Variants in SIGLEC15 observed in about 807,000 individuals in gnomAD.
SIGLEC15 encodes the protein sialic acid binding Ig like lectin 15.
In SIGLEC15, 31 loss-of-function variants were observed where a neutral mutation model predicts 26.2. The ratio of observed to expected loss-of-function variants is 1.18; its 90% confidence interval spans 0.89 to 1.60. The LOEUF is 1.60. SIGLEC15 is among the 40% of genes most tolerant of loss of function. The pLI, the probability that SIGLEC15 is intolerant of heterozygous loss-of-function variation, is 0.00. For missense variants in SIGLEC15, 501 were observed against 488.4 expected, an observed-to-expected ratio of 1.03 and a Z score of -0.24; for synonymous variants, 207 against 221.9, an observed-to-expected ratio of 0.93 and a Z score of 0.60.
At chr18:45,839,285 A>G (rs1323615859) in intron 4 of SIGLEC15, among the ~76,000 whole-genome samples, 190 bp downstream of exon 4, 1 of 152,210 alleles carries the variant, frequency 6.6e-6, no homozygotes, top group African/African-American at 2.4e-5. Context: ...CCATTTTGCA[A>G]TAAGGAAGCT....
At chr18:45,829,678 AG>A (rs2048216283) in intron 1 of SIGLEC15, among the ~76,000 whole-genome samples, 1 of 152,154 alleles carries the variant, frequency 6.6e-6, no homozygotes, top group Non-Finnish European at 1.5e-5. Context: ...CAAGGAGGGT[AG>A]CCCCTCCCAG....
At chr18:45,833,855 C>G (rs1568079277) in intron 1 of SIGLEC15, among the ~76,000 whole-genome samples, 1 of 152,058 alleles carries the variant, frequency 6.6e-6, no homozygotes, top group Non-Finnish European at 1.5e-5. Flanking sequence ...AGTAATGAAG[C>G]ACATGACATG....
intron 4 of SIGLEC15, among the ~76,000 whole-genome samples, chr18:45,839,480 G>A (rs1406693072): frequency 6.6e-6 from 1 of 152,128 alleles, no homozygotes; most frequent in Admixed American, 6.5e-5. Flanking sequence ...CTGTGTGGGT[G>A]CTAGGAATAC....
Position 45,838,821 on chromosome 18 carries a change from C to T in SIGLEC15, c.600C>T (p.Ser200=), listed in dbSNP as rs750477831. Residue 200 remains serine (S), a synonymous_variant, in exon 4 of 6, where the codon TCC becomes TCT. Coordinates refer to ENST00000389474, the MANE Select transcript of SIGLEC15 (RefSeq NM_213602.3). The part of the protein sequence containing the change: ...EGEPPPALAW[S]GPALGNSLAA... ...AGCCGCCGCCCGCCCTCGCCTGGTC[C>T]GGCCCGGCCCTGGGCAACAGCTTGG... is the stretch of plus-strand genomic sequence containing the variant. 7 of 1,560,934 alleles carry T rather than the reference C, an allele frequency of 4.5e-6. No individual in the cohort carries two copies. Among genetic ancestry groups the T allele is most frequent in the South Asian group, 2.3e-5 (2 of 86,192 alleles).
chr18:45,830,536 G>A (rs889246079), intron 1 of SIGLEC15, among the ~76,000 whole-genome samples: 3 of 150,402 alleles, frequency 2.0e-5, no homozygotes, highest in African/African-American at 7.3e-5. Context: ...TCAGTTTTCT[G>A]AATACCTAAA....
chr18:45,829,714 A>G (rs957405254), intron 1 of SIGLEC15, among the ~76,000 whole-genome samples: 1 of 151,930 alleles, frequency 6.6e-6, no homozygotes, highest in Non-Finnish European at 1.5e-5. Flanking sequence ...CATACTGGCC[A>G]CTCGTCAGCT....
Position 45,842,848 on chromosome 18 carries a change from C to T in SIGLEC15, c.*661C>T, listed in dbSNP as rs887287023. On this transcript the variant is annotated 3_prime_UTR_variant, in exon 6 of 6. Coordinates refer to ENST00000389474, the MANE Select transcript of SIGLEC15 (RefSeq NM_213602.3). ...AGAAGTGTGGCCCCTGCAGCAGTGT[C>T]ACGGAGAACACAGAGTTCCAGAGAG... 1.3e-5 allele frequency: 2 copies of T among 152,646 alleles called. No homozygotes were observed. The highest frequency in any genetic ancestry group is 4.8e-5 in the African/African-American group (2 of 41,454). The allele number at this position is 152,646 out of a possible 1,614,324, so 9.5% of individuals were successfully genotyped here. A position where few individuals can be genotyped will look rare whatever the true frequency, so the allele number is the denominator to read the frequency against.
At chr18:45,827,902 G>A (rs896763171) in intron 1 of SIGLEC15, among the ~76,000 whole-genome samples, 5 of 152,178 alleles carry the variant, frequency 3.3e-5, no homozygotes, top group Non-Finnish European at 5.9e-5. Context: ...AAAAACAAAC[G>A]CCAAACCACA....
chr18:45,840,095 CT>C, intron 4 of SIGLEC15, 115 bp from the exon 5 acceptor site: 2 of 1,175,628 alleles, frequency 1.7e-6, no homozygotes. Flanking sequence ...CTGCTGTTTG[CT>C]TCAAAAACAG....
chr18:45,832,517 G>A (rs749988184), intron 1 of SIGLEC15, among the ~76,000 whole-genome samples: 1 of 152,172 alleles, frequency 6.6e-6, no homozygotes, highest in African/African-American at 2.4e-5. Flanking sequence ...ATAAAAGTCT[G>A]ATGAAGAATG....
chr18:45,834,227 G>A, intron 1 of SIGLEC15, among the ~76,000 whole-genome samples: 1 of 152,092 alleles, frequency 6.6e-6, no homozygotes, highest in Non-Finnish European at 1.5e-5. Context: ...ACCCTCTCCT[G>A]TCAGCCTGGA....
chr18:45,828,901 G>C (rs570866185), intron 1 of SIGLEC15, among the ~76,000 whole-genome samples: 10 of 152,244 alleles, frequency 6.6e-5, no homozygotes, highest in African/African-American at 9.6e-5. Flanking sequence ...CAGGACCGGA[G>C]GACATGGGCT....
At chr18:45,839,258 A>G (rs1329810615) in intron 4 of SIGLEC15, among the ~76,000 whole-genome samples, 163 bp downstream of exon 4, 1 of 152,178 alleles carries the variant, frequency 6.6e-6, no homozygotes, top group Non-Finnish European at 1.5e-5. Context: ...AGCAGGTGTA[A>G]CCAGCACGAA....
intron 1 of SIGLEC15, among the ~76,000 whole-genome samples, chr18:45,830,297 A>G (rs1172816789): frequency 6.6e-6 from 1 of 152,148 alleles, no homozygotes; most frequent in African/African-American, 2.4e-5. Context: ...GTCTCCCTGG[A>G]GCTCTCTGCC....
At chr18:45,830,642 G>A (rs922569339) in intron 1 of SIGLEC15, among the ~76,000 whole-genome samples, 6 of 137,106 alleles carry the variant, frequency 4.4e-5, no homozygotes, top group African/African-American at 1.7e-4. Context: ...CTGGAGTGCA[G>A]TGGCACCATC....
Position 45,843,159 on chromosome 18 carries a change from C to T in SIGLEC15, c.*972C>T, listed in dbSNP as rs12458195. On this transcript the variant is annotated 3_prime_UTR_variant, in exon 6 of 6. Coordinates refer to ENST00000389474, the MANE Select transcript of SIGLEC15 (RefSeq NM_213602.3). ...TGAGGGGAGGTCTGGCCGGAGAGTC[C>T]GTGCGTAAAGCAGCTACAGCTCTGA... The T allele has an allele frequency of 0.16, 24,618 of 152,254 alleles. 2,421 individuals carry two copies. Among genetic ancestry groups the T allele is most frequent in the East Asian group, 0.34 (1,777 of 5,176 alleles). The allele number at this position is 152,254 out of a possible 1,614,324, so 9.4% of individuals were successfully genotyped here. A position where few individuals can be genotyped will look rare whatever the true frequency, so the allele number is the denominator to read the frequency against.
chr18:45,827,626 G>T (rs979220775), intron 1 of SIGLEC15, among the ~76,000 whole-genome samples: 1 of 152,144 alleles, frequency 6.6e-6, no homozygotes, highest in Non-Finnish European at 1.5e-5. Context: ...TGTAAACTGG[G>T]GTCCCTGCCA....
chr18:45,829,054 TGGAGG>T, intron 1 of SIGLEC15: 1 of 980,932 alleles, frequency 1.0e-6, no homozygotes, highest in South Asian at 4.7e-5. Context: ...GGGATCACTA[TGGAGG>T]CTGGGCAGGG....
intron 5 of SIGLEC15, among the ~76,000 whole-genome samples, chr18:45,841,421 G>T (rs2048323795): frequency 6.6e-6 from 1 of 152,178 alleles, no homozygotes; most frequent in African/African-American, 2.4e-5. Flanking sequence ...GGCAGGAAAG[G>T]CGTGGGGGTT....
Sources: gnomAD v4.1 joint callset for allele counts (sites outside exome capture counted in the v4.1 genomes callset) on GRCh38, gnomAD v4.1.1 for gene constraint, MANE v1.5 for transcripts, NCBI Gene and HGNC (gene_info 2026-07-23, HGNC 2026-07-21) for gene names.